QTMAN: variants seen among roughly 807,000 people sequenced by gnomAD.
The protein encoded by QTMAN is tRNA-queuosine alpha-mannosyltransferase.
the QTMAN span, among the ~76,000 whole-genome samples, chr2:144,183,871 T>C: frequency 5.3e-5 from 8 of 152,308 alleles, no homozygotes; most frequent in South Asian, 2.1e-4. Flanking sequence ...ACTAAAATCA[T>C]TGCATTACTT....
chr2:144,325,091 A>G, the QTMAN span, among the ~76,000 whole-genome samples: 12,017 of 152,298 alleles, frequency 0.079, 1,553 homozygotes, highest in African/African-American at 0.27. Flanking sequence ...GGCCTACACT[A>G]CAAGATAGCT....
At chr2:143,971,477 T>G in the QTMAN span, among the ~76,000 whole-genome samples, 5 of 152,166 alleles carry the variant, frequency 3.3e-5, no homozygotes, top group Admixed American at 2.0e-4. Context: ...TTTTTTTTGT[T>G]TAGCTTGTCA....
the QTMAN span, chr2:144,177,210 G>C: frequency 2.9e-6 from 2 of 699,520 alleles, no homozygotes; most frequent in Non-Finnish European, 5.2e-6. Flanking sequence ...GACATGAAGA[G>C]TCAACATGTG....
the QTMAN span, among the ~76,000 whole-genome samples, chr2:144,210,259 T>C: frequency 2.0e-5 from 3 of 152,098 alleles, no homozygotes; most frequent in Non-Finnish European, 2.9e-5. Flanking sequence ...ATCTCCAAAA[T>C]AGAGACAACA....
At chr2:144,007,633 C>A in the QTMAN span, 2 of 704,266 alleles carry the variant, frequency 2.8e-6, no homozygotes, top group Admixed American at 3.6e-5. Context: ...ATATATAAAA[C>A]TGAGAAAAAA....
chr2:144,039,331 C>T, the QTMAN span, among the ~76,000 whole-genome samples: 12 of 152,024 alleles, frequency 7.9e-5, no homozygotes, highest in Non-Finnish European at 1.8e-4. Context: ...CATGGGACTA[C>T]ATGTATAGAA....
chr2:144,141,756 G>C, the QTMAN span: 147 of 652,818 alleles, frequency 2.3e-4, 1 homozygote, highest in East Asian at 3.8e-3. Flanking sequence ...TGGTGAGATA[G>C]AACTTAATTC....
the QTMAN span, among the ~76,000 whole-genome samples, chr2:144,083,297 GC>G: frequency 6.6e-6 from 1 of 152,058 alleles, no homozygotes; most frequent in African/African-American, 2.4e-5. Context: ...AAGTATTCTG[GC>G]TAACAGTCCC....
the QTMAN span, among the ~76,000 whole-genome samples, chr2:144,241,729 GCTTAT>G: frequency 6.6e-6 from 1 of 151,662 alleles, no homozygotes; most frequent in South Asian, 2.1e-4. Context: ...TTAGGAGGAA[GCTTAT>G]CTTGTTACTA....
the QTMAN span, among the ~76,000 whole-genome samples, chr2:144,274,373 A>C: frequency 6.6e-6 from 1 of 152,164 alleles, no homozygotes; most frequent in African/African-American, 2.4e-5. Context: ...TGTTCTAATG[A>C]GGTGATTCTT....
the QTMAN span, among the ~76,000 whole-genome samples, chr2:144,323,774 TA>T: frequency 2.0e-5 from 3 of 152,214 alleles, no homozygotes; most frequent in African/African-American, 4.8e-5. Context: ...TTTGTTTATA[TA>T]ACAACAGCAA....
chr2:144,107,954 G>A, the QTMAN span, among the ~76,000 whole-genome samples: 3 of 152,070 alleles, frequency 2.0e-5, no homozygotes, highest in South Asian at 6.2e-4. Flanking sequence ...TTCAACATAC[G>A]CAAATCAATA....
chr2:144,142,036 C>T, the QTMAN span: 1 of 1,609,936 alleles, frequency 6.2e-7, no homozygotes, highest in African/African-American at 1.3e-5. Context: ...GAGTTGAATA[C>T]AACCACATCA....
At chr2:144,229,309 C>G in the QTMAN span, among the ~76,000 whole-genome samples, 1 of 152,190 alleles carries the variant, frequency 6.6e-6, no homozygotes, top group Non-Finnish European at 1.5e-5. Flanking sequence ...ACTACATATA[C>G]TTGTTCTGCC....
the QTMAN span, among the ~76,000 whole-genome samples, chr2:144,128,935 C>T: frequency 1.3e-5 from 2 of 151,380 alleles, no homozygotes; most frequent in African/African-American, 4.9e-5. Flanking sequence ...TCACCCCCCA[C>T]CCCTTGTCTT....
At chr2:144,104,917 G>A in the QTMAN span, among the ~76,000 whole-genome samples, 11 of 152,208 alleles carry the variant, frequency 7.2e-5, no homozygotes, top group African/African-American at 1.9e-4. Flanking sequence ...AGCTTCCAGG[G>A]GAACGATCAG....
chr2:144,008,144 C>T, the QTMAN span, among the ~76,000 whole-genome samples: 3 of 151,914 alleles, frequency 2.0e-5, no homozygotes, highest in African/African-American at 4.8e-5. Flanking sequence ...TAAAATGAAA[C>T]CTTAAAAAAT....
the QTMAN span, among the ~76,000 whole-genome samples, chr2:144,216,319 G>GT: frequency 6.6e-6 from 1 of 152,262 alleles, no homozygotes; most frequent in African/African-American, 2.4e-5. Context: ...GCATGCAGCT[G>GT]TGAAAATCTG....
chr2:144,092,261 C>A, the QTMAN span, among the ~76,000 whole-genome samples: 1 of 151,608 alleles, frequency 6.6e-6, no homozygotes, highest in African/African-American at 2.4e-5. Context: ...CTGCAAGCTC[C>A]GCCTCCCAGG....
Sources: allele counts gnomAD v4.1 joint callset (sites outside exome capture counted in the v4.1 genomes callset), GRCh38; gene constraint gnomAD v4.1.1; transcripts MANE v1.5; gene names NCBI Gene and HGNC (gene_info 2026-07-23, HGNC 2026-07-21).